The following PIGP variants were observed in gnomAD, a reference collection of about 807,000 sequenced individuals.
PIGP encodes the protein phosphatidylinositol glycan anchor biosynthesis class P, also known as phosphatidylinositol N-acetylglucosaminyltransferase subunit P.
Under a neutral mutation model 16.9 loss-of-function variants are expected in PIGP, and 12 were observed. That is an observed-to-expected ratio of 0.71 (90% CI 0.46 to 1.15). PIGP has a LOEUF of 1.15. Ranked by LOEUF, PIGP falls within the 50% of genes most tolerant of loss-of-function variation. PIGP has a pLI of 0.00. For synonymous variants in PIGP, 57 were observed against 54.7 expected, an observed-to-expected ratio of 1.04 and a Z score of -0.18; for missense variants, 159 against 153.5, an observed-to-expected ratio of 1.04 and a Z score of -0.19.
At position 37,072,554 on chromosome 21, in the gene PIGP, C is replaced by A. The variant is rs955856095; in HGVS notation, c.-22-17G>T. The A allele has an allele frequency of 3.1e-6, 5 of 1,614,136 alleles. No homozygotes were observed. The African/African-American group carries it at 4.0e-5, about 13-fold the overall frequency. On this transcript the variant is annotated splice_polypyrimidine_tract_variant and intron_variant, in intron 1 of 4. Transcript: ENST00000360525. Reference sequence around the variant, plus strand: ...TTAGACAATCTGTGGAAAAGGAACACAATCAGCGTCAGCGATGTGCTCCGT... The same window carrying A: ...TTAGACAATCTGTGGAAAAGGAACAAAATCAGCGTCAGCGATGTGCTCCGT...
Position 37,069,587 on chromosome 21 carries a change from C to A in PIGP, c.120G>T (p.Trp40Cys), listed in dbSNP as rs754325650. Residue 40 changes from tryptophan (W) to cysteine (C), a missense_variant, in exon 3 of 5, where the codon TGG becomes TGT. Physicochemically the swap from Trp to Cys is radical, Grantham distance 215. Coordinates refer to ENST00000360525, the MANE Select transcript of PIGP (RefSeq NM_153682.3). The part of the protein sequence containing the change: ...YLVWAFIPES[W>C]LNSLGLTYWP... The stretch of plus-strand genomic sequence containing the variant: ...AATAGGTTAAACCTAAAGAGTTTAG[C>A]CAAGATTCAGGAATAAAGGCCCACA... The A allele has an allele frequency of 3.8e-6, 6 of 1,568,566 alleles. No individual in the cohort carries two copies. Among genetic ancestry groups the A allele is most frequent in the Admixed American group, 1.8e-5 (1 of 55,564 alleles).
At chr21:37,066,293 T>C (rs1011401295) in intron 4 of PIGP, among the ~76,000 whole-genome samples, 2 of 152,148 alleles carry the variant, frequency 1.3e-5, no homozygotes, top group Non-Finnish European at 2.9e-5. Flanking sequence ...GGCAAAACTA[T>C]TAAATCATTT....
At chr21:37,071,232 C>T (rs1210296572) in intron 2 of PIGP, among the ~76,000 whole-genome samples, 3 of 152,174 alleles carry the variant, frequency 2.0e-5, no homozygotes, top group Non-Finnish European at 4.4e-5. Context: ...AAATTACCCC[C>T]GTTAATCCTC....
Position 37,072,656 on chromosome 21 carries a change from T to C in PIGP, c.-22-119A>G, listed in dbSNP as rs150325243. The C allele has an allele frequency of 2.2e-3, 3,470 of 1,557,704 alleles. 53 individuals are homozygous for C. The African/African-American group carries it at 0.042, about 19-fold the overall frequency. On this transcript the variant is annotated intron_variant, in intron 1 of 4. Coordinates refer to ENST00000360525, the MANE Select transcript of PIGP (RefSeq NM_153682.3). ...GCCGCGCAGAACCGCCTCCCGCGCCTCCGTCCGCAACCCGCGCCCCCGCCT... is the reference window on the plus strand; with the variant it reads ...GCCGCGCAGAACCGCCTCCCGCGCCCCCGTCCGCAACCCGCGCCCCCGCCT...
chr21:37,067,361 G>A lies in PIGP; in HGVS notation c.175C>T (p.Pro59Ser). 6.3e-7 allele frequency: 1 copy of A among 1,599,696 alleles called. No homozygotes were observed. The highest frequency in any genetic ancestry group is 8.6e-7 in the Non-Finnish European group (1 of 1,166,976). Residue 59 changes from proline to serine, a missense_variant, in exon 4 of 5, where the codon CCT becomes TCT. Pro to Ser is a moderately conservative substitution (Grantham distance 74). Transcript: ENST00000360525. ...ACTATAGCAATAAGGAGGTAGACAG[G>A]TAATGCAACTGCCCAATATCTGCCA... is the stretch of plus-strand genomic sequence containing the variant. ...WPQKYWAVAL[P>S]VYLLIAIVIG...
At chr21:37,068,329 ATTACCT>A (rs1207958760) in intron 3 of PIGP, among the ~76,000 whole-genome samples, 1 of 150,730 alleles carries the variant, frequency 6.6e-6, no homozygotes, top group Non-Finnish European at 1.5e-5. Flanking sequence ...ACTTCTAGAG[ATTACCT>A]TTGTTTTATT....
Position 37,067,243 on chromosome 21 carries a change from T to C in PIGP, c.274+19A>G. On this transcript the variant is annotated intron_variant, in intron 4 of 4. Coordinates refer to ENST00000360525, the MANE Select transcript of PIGP (RefSeq NM_153682.3). Reference sequence around the variant, plus strand: ...CCACTCTTTCATTGCCCCAGCACTTTCCTTTTATATAAAGTTACCTGTGAT... The same window carrying C: ...CCACTCTTTCATTGCCCCAGCACTTCCCTTTTATATAAAGTTACCTGTGAT... The C allele has an allele frequency of 7.3e-7, 1 of 1,372,912 alleles. No homozygotes were observed. The highest frequency in any genetic ancestry group is 1.0e-6 in the Non-Finnish European group (1 of 960,942). The allele number at this position is 1,372,912 out of a possible 1,614,324, so 85.0% of individuals were successfully genotyped here.
In PIGP at chr21:37,072,582, C is replaced by T. The variant is rs574981993; in HGVS notation, c.-22-45G>A. ...TCAGCGTCAGCGATGTGCTCCGTGG[C>T]ACCATTGATCCATTCTCGCCTCCTC... On this transcript the variant is annotated intron_variant, in intron 1 of 4. Coordinates refer to ENST00000360525, the MANE Select transcript of PIGP (RefSeq NM_153682.3). 7.7e-5 allele frequency: 124 copies of T among 1,613,862 alleles called. No homozygotes were observed. Among genetic ancestry groups the T allele is most frequent in the Admixed American group, 6.7e-4 (40 of 60,014 alleles).
intron 3 of PIGP, among the ~76,000 whole-genome samples, chr21:37,068,240 A>G (rs1231104277): frequency 6.7e-6 from 1 of 148,348 alleles, no homozygotes; most frequent in Non-Finnish European, 1.5e-5. Context: ...GTTCTCTATT[A>G]TTTTCTCTTT....
chr21:37,072,450 G>A lies in PIGP; in HGVS notation c.66C>T (p.Ser22=), dbSNP rs908030943. 10 of 1,614,118 alleles carry A rather than the reference G, an allele frequency of 6.2e-6. No homozygotes were observed. In the African/African-American group the frequency reaches 8.0e-5, roughly 13 times the overall value. ...AGTACTTACTGAAGCCAAATTGGGA[G>A]CTTAAGAAAAGAACAAAGCCATAAA... ...RAIYGFVLFL[S]SQFGFILYLV... is the part of the protein sequence containing the mutation. The change falls in exon 2 of 5, where the codon AGC becomes AGT. Residue 22 remains serine, a synonymous_variant. Coordinates refer to ENST00000360525, the MANE Select transcript of PIGP (RefSeq NM_153682.3).
intron 1 of PIGP, 135 bp from the exon 2 acceptor site, chr21:37,072,672 GC>G: frequency 6.7e-7 from 1 of 1,489,466 alleles, no homozygotes; most frequent in Non-Finnish European, 9.2e-7. Flanking sequence ...CGCAACCCGC[GC>G]CCCCGCCTCG....
chr21:37,070,414 C>T (rs1053757404), intron 2 of PIGP, among the ~76,000 whole-genome samples: 2 of 152,168 alleles, frequency 1.3e-5, no homozygotes, highest in Non-Finnish European at 2.9e-5. Context: ...GGCTTCTGCC[C>T]TCCCTAAACT....
At chr21:37,066,254 A>G (rs574118278) in intron 4 of PIGP, among the ~76,000 whole-genome samples, 6 of 152,312 alleles carry the variant, frequency 3.9e-5, no homozygotes, top group Non-Finnish European at 8.8e-5. Flanking sequence ...AATTATATCC[A>G]GGCCTTGAAA....
intron 4 of PIGP, among the ~76,000 whole-genome samples, chr21:37,066,171 G>T (rs1233623665): frequency 6.6e-6 from 1 of 151,606 alleles, no homozygotes; most frequent in South Asian, 2.1e-4. Flanking sequence ...CTCTAACTTG[G>T]AAAGAAATCA....
intron 3 of PIGP, among the ~76,000 whole-genome samples, chr21:37,068,919 A>G (rs1348119366): frequency 6.6e-6 from 1 of 152,186 alleles, no homozygotes; most frequent in Non-Finnish European, 1.5e-5. Flanking sequence ...CCGCATTCCC[A>G]CACTCAGACT....
chr21:37,072,272 C>T (rs2070112936), intron 2 of PIGP, 162 bp downstream of exon 2: 1 of 1,609,002 alleles, frequency 6.2e-7, no homozygotes, highest in Non-Finnish European at 8.5e-7. Context: ...AGTGCTGGCA[C>T]ACGGAACACT....
At position 37,069,588 on chromosome 21, in the gene PIGP, C is replaced by G; in HGVS notation, c.119G>C (p.Trp40Ser). The G allele has an allele frequency of 6.4e-7, 1 of 1,568,272 alleles. No individual in the cohort carries two copies. The highest frequency in any genetic ancestry group is 8.7e-7 in the Non-Finnish European group (1 of 1,153,872). Residue 40 changes from tryptophan to serine, a missense_variant, in exon 3 of 5, where the codon TGG becomes TCG. Coordinates refer to ENST00000360525, the MANE Select transcript of PIGP (RefSeq NM_153682.3). ...ATAGGTTAAACCTAAAGAGTTTAGCCAAGATTCAGGAATAAAGGCCCACAC... is the reference window on the plus strand; with the variant it reads ...ATAGGTTAAACCTAAAGAGTTTAGCGAAGATTCAGGAATAAAGGCCCACAC... ...YLVWAFIPES[W>S]LNSLGLTYWP...
At chr21:37,068,360 T>G (rs1408795650) in intron 3 of PIGP, among the ~76,000 whole-genome samples, 1 of 152,100 alleles carries the variant, frequency 6.6e-6, no homozygotes, top group Non-Finnish European at 1.5e-5. Flanking sequence ...AGTCTTTCAA[T>G]TAAAATTTTA....
At chr21:37,072,600 GCCT>G (rs2070159616) in intron 1 of PIGP, 63 bp from the exon 2 acceptor site, 1 of 1,608,012 alleles carries the variant, frequency 6.2e-7, no homozygotes, top group African/African-American at 1.3e-5. Flanking sequence ...ATCCATTCTC[GCCT>G]CCTCGCTCCG....
Sources: allele counts gnomAD v4.1 joint callset (sites outside exome capture counted in the v4.1 genomes callset), GRCh38; gene constraint gnomAD v4.1.1; transcripts MANE v1.5; gene names NCBI Gene and HGNC (gene_info 2026-07-23, HGNC 2026-07-21).